The following JAKMIP2 variants were observed in gnomAD, a reference collection of about 807,000 sequenced individuals.
JAKMIP2 encodes the protein janus kinase and microtubule-interacting protein 2.
Under a neutral mutation model 115.0 loss-of-function variants are expected in JAKMIP2, and 25 were observed. That is an observed-to-expected ratio of 0.22 (90% CI 0.16 to 0.30). The LOEUF (loss-of-function observed/expected upper bound fraction) is 0.30. JAKMIP2 is among the 10% of genes least tolerant of loss of function. The pLI is 1.00. For missense variants in JAKMIP2, 642 were observed against 957.6 expected, an observed-to-expected ratio of 0.67 and a Z score of 4.35; for synonymous variants, 334 against 343.6, an observed-to-expected ratio of 0.97 and a Z score of 0.31.
At position 147,690,565 on chromosome 5, in the gene JAKMIP2, ATATATATATATATATATATG is replaced by A. The variant is rs1266414741; in HGVS notation, c.-148-18631_-148-18612del. 5.7e-5 allele frequency among the ~76,000 whole-genome samples: 8 copies of A among 141,268 alleles called. 1 individual carries two copies. The highest frequency in any genetic ancestry group is 2.1e-4 in the African/African-American group (8 of 38,078). 92.7% of individuals were successfully genotyped at this position (141,268 alleles called of 152,430 possible). A position where few individuals can be genotyped will look rare whatever the true frequency, so the allele number is the denominator to read the frequency against. Reference sequence around the variant, plus strand: ...TATATATATATATATATATATATATATATATATATATATATATATGCACATATGCACACACATCTATGTGG... The same window carrying A: ...TATATATATATATATATATATATATACACATATGCACACACATCTATGTGG... On this transcript the variant is annotated intron_variant, in intron 1 of 21. Transcript: ENST00000616793.
chr5:147,757,803 A>C (rs958891933), intron 1 of JAKMIP2, among the ~76,000 whole-genome samples: 4 of 152,164 alleles, frequency 2.6e-5, no homozygotes, highest in Non-Finnish European at 5.9e-5. Flanking sequence ...GAGGCTCCGC[A>C]TCAATCCACA....
chr5:147,598,478 C>T (rs2064112493), intron 21 of JAKMIP2, among the ~76,000 whole-genome samples: 2 of 147,210 alleles, frequency 1.4e-5, no homozygotes, highest in Admixed American at 6.9e-5. Context: ...TATGTATCAT[C>T]TATCTATCTA....
chr5:147,643,982 A>G (rs1561510433), intron 7 of JAKMIP2, 76 bp downstream of exon 7: 1 of 1,269,860 alleles, frequency 7.9e-7, no homozygotes, highest in African/African-American at 1.5e-5. Context: ...ACTAAAATTA[A>G]CTGCTTTCAG....
At chr5:147,730,361 C>T (rs1421711206) in intron 1 of JAKMIP2, among the ~76,000 whole-genome samples, 1 of 152,134 alleles carries the variant, frequency 6.6e-6, no homozygotes, top group Non-Finnish European at 1.5e-5. Context: ...CAAAAAGCCT[C>T]CACCCTCAAC....
Position 147,641,747 on chromosome 5 carries a change from G to A in JAKMIP2, c.1242C>T (p.Ile414=), listed in dbSNP as rs757045602. Residue 414 remains isoleucine (I), a synonymous_variant, in exon 8 of 22, where the codon ATC becomes ATT. Coordinates refer to ENST00000616793, the MANE Select transcript of JAKMIP2 (RefSeq NM_001270941.2). ...DELTRDREKL[I]RRRKHRRSSK... is the part of the protein sequence containing the mutation. ...AACTTCTTCTATGCTTTCTTCTACG[G>A]ATGAGCTTTTCTCGGTCCTGGAAAA... 1.5e-5 allele frequency: 24 copies of A among 1,613,034 alleles called. No homozygotes were observed. Among genetic ancestry groups the A allele is most frequent in the African/African-American group, 2.7e-5 (2 of 74,860 alleles).
chr5:147,674,795 T>C (rs1438161917), intron 1 of JAKMIP2, among the ~76,000 whole-genome samples: 1 of 152,236 alleles, frequency 6.6e-6, no homozygotes, highest in African/African-American at 2.4e-5. Flanking sequence ...GATTCAAATC[T>C]AAGCAATCTG....
At chr5:147,657,137 G>A (rs769896294) in intron 3 of JAKMIP2, among the ~76,000 whole-genome samples, 28 of 152,210 alleles carry the variant, frequency 1.8e-4, no homozygotes, top group Non-Finnish European at 2.6e-4. Context: ...AAAATTGGCC[G>A]GGCATGGTGG....
chr5:147,707,663 A>C (rs1752631544), intron 1 of JAKMIP2, among the ~76,000 whole-genome samples: 2 of 152,146 alleles, frequency 1.3e-5, no homozygotes, highest in Non-Finnish European at 2.9e-5. Context: ...AAATTGATAG[A>C]TATATTCATT....
chr5:147,656,538 G>T (rs777425906), intron 3 of JAKMIP2, among the ~76,000 whole-genome samples: 2 of 152,006 alleles, frequency 1.3e-5, no homozygotes, highest in Non-Finnish European at 2.9e-5. Flanking sequence ...CATTTGCTTG[G>T]CAAATTTTCC....
In JAKMIP2 at chr5:147,623,676, A is replaced by G. The variant is rs1426255918; in HGVS notation, c.2009T>C (p.Ile670Thr). 1 of 1,611,072 alleles carries G rather than the reference A, an allele frequency of 6.2e-7. No individual in the cohort carries two copies. Among genetic ancestry groups the G allele is most frequent in the East Asian group, 2.2e-5 (1 of 44,836 alleles). ...GTGTAGGGCAGCCTCAGCTCCTTCA[A>G]TCTGCTGGATCCACTAAGGGGTTAA... is the stretch of plus-strand genomic sequence containing the variant. ...LSLAEKWIQQ[I>T]EGAEAALHQK... The change falls in exon 17 of 22, where the codon ATT (isoleucine) becomes ACT (threonine). Residue 670 changes from isoleucine (I) to threonine (T), a missense_variant. Around this residue, in one of 6 missense-constraint regions of JAKMIP2, gnomAD observed 68 missense variants for 104.6 expected, o/e 0.65. Coordinates refer to ENST00000616793, the MANE Select transcript of JAKMIP2 (RefSeq NM_001270941.2).
intron 1 of JAKMIP2, among the ~76,000 whole-genome samples, chr5:147,672,562 T>TTATCTATCTATC (rs55967451): frequency 3.3e-5 from 5 of 152,046 alleles, no homozygotes; most frequent in Non-Finnish European, 7.4e-5. Context: ...GGGAAAAAAT[T>TTATCTATCTATC]TATCTATCTA....
chr5:147,768,083 T>G (rs555875364), intron 1 of JAKMIP2, among the ~76,000 whole-genome samples: 3 of 152,290 alleles, frequency 2.0e-5, no homozygotes, highest in African/African-American at 7.2e-5. Context: ...ACACACACTT[T>G]CAGGTTTGTA....
At chr5:147,746,003 A>G (rs1754334557) in intron 1 of JAKMIP2, among the ~76,000 whole-genome samples, 1 of 152,178 alleles carries the variant, frequency 6.6e-6, no homozygotes, top group Non-Finnish European at 1.5e-5. Context: ...TACAATTATT[A>G]TTGTTTCTGA....
At chr5:147,595,613 AAGAC>A in intron 21 of JAKMIP2, 1 of 446,840 alleles carries the variant, frequency 2.2e-6, no homozygotes, top group Non-Finnish European at 4.5e-6. Context: ...CAAATGGACT[AAGAC>A]AGAGAGTTAT....
At chr5:147,761,722 G>T (rs1340608933) in intron 1 of JAKMIP2, among the ~76,000 whole-genome samples, 1 of 152,082 alleles carries the variant, frequency 6.6e-6, no homozygotes, top group South Asian at 2.1e-4. Context: ...CTAAGTGTCA[G>T]AAGCGGAGAG....
intron 1 of JAKMIP2, among the ~76,000 whole-genome samples, chr5:147,764,969 G>A (rs3097868): frequency 0.49 from 16,247 of 33,386 alleles, 4,205 homozygotes; most frequent in East Asian, 0.64. Flanking sequence ...AGAGAGAGGG[G>A]GAGAGAGAGA....
chr5:147,734,002 A>G (rs1283614464), intron 1 of JAKMIP2, among the ~76,000 whole-genome samples: 2 of 152,168 alleles, frequency 1.3e-5, no homozygotes, highest in African/African-American at 4.8e-5. Context: ...TGCTGGGTCA[A>G]ATGGTATATC....
intron 1 of JAKMIP2, among the ~76,000 whole-genome samples, chr5:147,764,962 G>A (rs1306481026): frequency 2.4e-4 from 17 of 72,162 alleles, no homozygotes; most frequent in East Asian, 1.9e-3. Context: ...GAGAGAGAGA[G>A]AGAGGGGGAG....
chr5:147,721,443 C>T (rs1052400678), intron 1 of JAKMIP2, among the ~76,000 whole-genome samples: 8 of 152,260 alleles, frequency 5.3e-5, no homozygotes, highest in African/African-American at 1.7e-4. Context: ...CGCCCCTCCC[C>T]CAGCCTCGCT....
Sources: gnomAD v4.1 joint callset for allele counts (sites outside exome capture counted in the v4.1 genomes callset) on GRCh38, gnomAD v4.1.1 for gene constraint, gnomAD v4.1.1 regional missense constraint, MANE v1.5 for transcripts, NCBI Gene and HGNC (gene_info 2026-07-23, HGNC 2026-07-21) for gene names.